GTF3C5: variants seen among roughly 807,000 people sequenced by gnomAD.
GTF3C5 encodes general transcription factor 3C polypeptide 5.
A neutral mutation model predicts 61.0 loss-of-function variants in GTF3C5; 47 were observed. That is an observed-to-expected ratio of 0.77 (90% CI 0.61 to 0.98). The LOEUF is 0.98. GTF3C5 is among the 50% of genes least tolerant of loss of function. The pLI, the probability that GTF3C5 is intolerant of heterozygous loss-of-function variation, is 0.00. For synonymous variants in GTF3C5, 295 were observed against 275.4 expected (o/e 1.07, Z -0.71); for missense variants, 659 against 703.3 (o/e 0.94, Z 0.71).
Position 133,054,286 on chromosome 9 carries a change from T to C in GTF3C5, c.989-122T>C, listed in dbSNP as rs190465090. 1,616 of 764,742 alleles carry C rather than the reference T, an allele frequency of 2.1e-3. 17 individuals carry two copies. The highest frequency in any genetic ancestry group is 0.018 in the South Asian group (1,113 of 62,828). 47.4% of individuals were successfully genotyped at this position (764,742 alleles called of 1,614,324 possible). A position where few individuals can be genotyped will look rare whatever the true frequency, so the allele number is the denominator to read the frequency against. ...GTGACCGCAGTGGCGTGCTTGGCAG[T>C]CTGGGGTTGCCCTCTCAGGAGCTGG... On this transcript the variant is annotated intron_variant, in intron 6 of 10. Transcript: ENST00000372097.
intron 3 of GTF3C5, among the ~76,000 whole-genome samples, chr9:133,045,407 T>C (rs1225608485): frequency 6.6e-6 from 1 of 152,234 alleles, no homozygotes; most frequent in African/African-American, 2.4e-5. Context: ...GATTTTTGTA[T>C]GCTCTACTTT....
chr9:133,040,723 G>C (rs1850012904), intron 1 of GTF3C5, among the ~76,000 whole-genome samples: 1 of 152,064 alleles, frequency 6.6e-6, no homozygotes, highest in Non-Finnish European at 1.5e-5. Context: ...TGTTAGAGTA[G>C]GTAACCCTAG....
At chr9:133,041,884 C>T (rs530560648) in intron 1 of GTF3C5, among the ~76,000 whole-genome samples, 1 of 152,204 alleles carries the variant, frequency 6.6e-6, no homozygotes, top group South Asian at 2.1e-4. Flanking sequence ...AGGAAGGAGA[C>T]GATTCTCATT....
At chr9:133,042,958 C>T (rs759973721) in intron 2 of GTF3C5, among the ~76,000 whole-genome samples, 1 of 152,184 alleles carries the variant, frequency 6.6e-6, no homozygotes, top group Non-Finnish European at 1.5e-5. Flanking sequence ...TTCCGGGAGG[C>T]AATGCTTGTG....
intron 3 of GTF3C5, among the ~76,000 whole-genome samples, chr9:133,047,836 A>G (rs1850251329): frequency 1.3e-5 from 2 of 152,162 alleles, no homozygotes; most frequent in Non-Finnish European, 2.9e-5. Context: ...TTTTAAAGTT[A>G]CTTATTGGCC....
chr9:133,044,895 G>A (rs1282282041), intron 3 of GTF3C5, among the ~76,000 whole-genome samples: 7 of 99,562 alleles, frequency 7.0e-5, no homozygotes, highest in East Asian at 2.9e-4. Flanking sequence ...TGCACCCACC[G>A]CCACCCCCTG....
rs184728334 is a variant in GTF3C5, at chr9:133,058,400, C to T, written c.*420C>T. On this transcript the variant is annotated 3_prime_UTR_variant, in exon 11 of 11. Transcript: ENST00000372097. ...GTGGGGAGCCTCGCCCATGGTCTCA[C>T]GTGGCAAGAAGTGCCTTTAGCTCTG... The T allele has an allele frequency of 1.4e-3, 228 of 166,580 alleles. No individual in the cohort carries two copies. In the South Asian group the frequency reaches 0.016, roughly 12 times the overall value. 10.3% of individuals were successfully genotyped at this position (166,580 alleles called of 1,614,324 possible). A position where few individuals can be genotyped will look rare whatever the true frequency, so the allele number is the denominator to read the frequency against.
intron 3 of GTF3C5, among the ~76,000 whole-genome samples, chr9:133,050,555 C>T (rs1255736580): frequency 6.6e-6 from 1 of 152,232 alleles, no homozygotes; most frequent in African/African-American, 2.4e-5. Flanking sequence ...CTGCAGGCCC[C>T]AGGGTTTCTC....
In GTF3C5 at chr9:133,042,336, G is replaced by A. The variant is rs117086368; in HGVS notation, c.373+30G>A. 3.1e-3 allele frequency: 4,360 copies of A among 1,427,398 alleles called. 19 individuals are homozygous for A. The highest frequency in any genetic ancestry group is 7.3e-3 in the South Asian group (640 of 87,196). 88.4% of individuals were successfully genotyped at this position (1,427,398 alleles called of 1,614,324 possible). A position where few individuals can be genotyped will look rare whatever the true frequency, so the allele number is the denominator to read the frequency against. ...CTGAAATCTGCTCTTGCAATGTCTG[G>A]TTATTTCAGGGCTGGCCATCCTAGC... On this transcript the variant is annotated intron_variant, in intron 2 of 10. Coordinates refer to ENST00000372097, the MANE Select transcript of GTF3C5 (RefSeq NM_012087.4).
At chr9:133,055,277 G>C (rs1339629170) in intron 8 of GTF3C5, 13 of 1,429,668 alleles carry the variant, frequency 9.1e-6, no homozygotes, top group African/African-American at 1.4e-5. Context: ...CCACATTCAG[G>C]CTCCCGCAAG....
At chr9:133,041,910 A>C (rs765498319) in intron 1 of GTF3C5, among the ~76,000 whole-genome samples, 177 bp from the exon 2 acceptor site, 4 of 152,198 alleles carry the variant, frequency 2.6e-5, no homozygotes, top group Non-Finnish European at 5.9e-5. Context: ...CACCAGATAA[A>C]AACTAAGATA....
intron 9 of GTF3C5, 92 bp from the exon 10 acceptor site, chr9:133,056,674 T>G (rs766225867): frequency 1.3e-4 from 169 of 1,283,958 alleles, no homozygotes; most frequent in Non-Finnish European, 1.7e-4. Flanking sequence ...TTGATCTCAG[T>G]ACAGCTCTGC....
chr9:133,034,889 T>C (rs1279885313), intron 1 of GTF3C5, among the ~76,000 whole-genome samples: 4 of 151,832 alleles, frequency 2.6e-5, no homozygotes, highest in Non-Finnish European at 5.9e-5. Flanking sequence ...GCAACCCATA[T>C]AGCATTTCAT....
At chr9:133,055,164 C>G (rs1165957817) in intron 8 of GTF3C5, 1 of 1,541,232 alleles carries the variant, frequency 6.5e-7, no homozygotes, top group Non-Finnish European at 8.7e-7. Flanking sequence ...GAGGACAGAG[C>G]CAGAGCAGGC....
intron 9 of GTF3C5, 113 bp from the exon 10 acceptor site, chr9:133,056,653 C>G: frequency 9.9e-7 from 1 of 1,012,294 alleles, no homozygotes. Context: ...ACTTCGCTCA[C>G]GGGGCTGCCT....
intron 1 of GTF3C5, among the ~76,000 whole-genome samples, chr9:133,040,947 TATA>T (rs776619738): frequency 2.0e-5 from 3 of 152,230 alleles, no homozygotes; most frequent in Non-Finnish European, 2.9e-5. Flanking sequence ...ATTCCAATAT[TATA>T]ATAATCCTCG....
intron 8 of GTF3C5, 97 bp downstream of exon 8, chr9:133,054,906 T>A: frequency 6.5e-7 from 1 of 1,540,064 alleles, no homozygotes; most frequent in South Asian, 1.2e-5. Context: ...TTAGGGCAGC[T>A]CTGCCCACCG....
chr9:133,049,735 GTAGTTC>G (rs1245732244), intron 3 of GTF3C5, among the ~76,000 whole-genome samples: 1 of 152,174 alleles, frequency 6.6e-6, no homozygotes, highest in African/African-American at 2.4e-5. Context: ...ACATACAGAG[GTAGTTC>G]TAGAATCTCT....
At position 133,042,247 on chromosome 9, in the gene GTF3C5, C is replaced by T. The variant is rs778362645; in HGVS notation, c.314C>T (p.Ser105Phe). The change falls in exon 2 of 11, where the codon TCC becomes TTC. Residue 105 changes from serine (S) to phenylalanine (F), a missense_variant. Transcript: ENST00000372097. The stretch of plus-strand genomic sequence containing the variant: ...GGGGTGCTGGGCACTGAGGCCCACT[C>T]CGAGGTCACATTTGACATGGAGATC... ...QKGVLGTEAHSEVTFDMEILG... is the reference protein window; with the variant it reads ...QKGVLGTEAHFEVTFDMEILG... The T allele has an allele frequency of 6.2e-7, 1 of 1,613,720 alleles. No individual in the cohort carries two copies. Among genetic ancestry groups the T allele is most frequent in the Non-Finnish European group, 8.5e-7 (1 of 1,179,666 alleles).
Sources: allele counts gnomAD v4.1 joint callset (sites outside exome capture counted in the v4.1 genomes callset), GRCh38; gene constraint gnomAD v4.1.1; transcripts MANE v1.5; gene names NCBI Gene and HGNC (gene_info 2026-07-23, HGNC 2026-07-21).